The following NRXN3 variants were observed in gnomAD, a reference collection of about 807,000 sequenced individuals.
NRXN3 encodes neurexin III.
A neutral mutation model predicts 137.6 loss-of-function variants in NRXN3; 32 were observed. The ratio of observed to expected loss-of-function variants is 0.23; its 90% CI spans 0.18 to 0.31. The LOEUF (loss-of-function observed/expected upper bound fraction) is 0.31. Ranked by LOEUF, NRXN3 falls within the 10% of genes least tolerant of loss-of-function variation. NRXN3 has a pLI of 1.00. For synonymous variants in NRXN3, 798 were observed against 784.5 expected, an observed-to-expected ratio of 1.02 and a Z score of -0.29; for missense variants, 1,574 against 2,062.5, an observed-to-expected ratio of 0.76 and a Z score of 4.59.
intron 4 of NRXN3, among the ~76,000 whole-genome samples, chr14:78,633,270 A>G (rs2097539008): frequency 6.7e-6 from 1 of 149,702 alleles, no homozygotes; most frequent in South Asian, 2.1e-4. Flanking sequence ...AAAAAAAAAG[A>G]GACTGGTAAT....
chr14:79,149,539 A>T (rs908808904), intron 15 of NRXN3, among the ~76,000 whole-genome samples: 3 of 152,138 alleles, frequency 2.0e-5, no homozygotes, highest in African/African-American at 7.2e-5. Flanking sequence ...TCATTCTGTT[A>T]TAAAGAGACA....
At chr14:78,932,594 G>A (rs1250568105) in intron 10 of NRXN3, among the ~76,000 whole-genome samples, 3 of 152,184 alleles carry the variant, frequency 2.0e-5, no homozygotes, top group East Asian at 1.9e-4. Context: ...CCGCAGGGAA[G>A]TGGACAGAGG....
In NRXN3 at chr14:78,250,180, C is replaced by G. The variant is rs762545363; in HGVS notation, c.709+6378C>G. 1.7e-5 allele frequency: 8 copies of G among 473,976 alleles called. No homozygotes were observed. The East Asian group carries it at 4.7e-4, about 28-fold the overall frequency. The allele number at this position is 473,976 out of a possible 1,614,324, so 29.4% of individuals were successfully genotyped here. On this transcript the variant is annotated intron_variant, in intron 2 of 20. Coordinates refer to ENST00000335750, the MANE Select transcript of NRXN3 (RefSeq NM_001330195.2). Reference sequence around the variant, plus strand: ...GGCAGAGCTGCAATTTGTGTCTAGACAGTCTGGCTTCAGAGCCTACACTGT... The same window carrying G: ...GGCAGAGCTGCAATTTGTGTCTAGAGAGTCTGGCTTCAGAGCCTACACTGT...
At chr14:78,458,468 T>C (rs1449618781) in intron 4 of NRXN3, among the ~76,000 whole-genome samples, 1 of 152,238 alleles carries the variant, frequency 6.6e-6, no homozygotes, top group Admixed American at 6.5e-5. Flanking sequence ...CAGTCTGTAC[T>C]ATACTGATTA....
intron 15 of NRXN3, among the ~76,000 whole-genome samples, chr14:79,380,617 T>A (rs1027093628): frequency 6.6e-6 from 1 of 152,174 alleles, no homozygotes; most frequent in East Asian, 1.9e-4. Context: ...TTTGGGTTGG[T>A]TCCAAGTCTT....
chr14:79,789,586 T>A (rs1192699002), intron 19 of NRXN3, among the ~76,000 whole-genome samples: 1 of 152,122 alleles, frequency 6.6e-6, no homozygotes, highest in Non-Finnish European at 1.5e-5. Context: ...TACTCATGCC[T>A]CCCCTTTTTA....
intron 6 of NRXN3, among the ~76,000 whole-genome samples, chr14:78,682,836 C>A (rs2098089345): frequency 6.6e-6 from 1 of 152,146 alleles, no homozygotes; most frequent in Non-Finnish European, 1.5e-5. Flanking sequence ...GGGTTCCAAG[C>A]CCATGGTTAT....
chr14:79,137,669 C>A (rs1244123163), intron 15 of NRXN3, among the ~76,000 whole-genome samples: 2 of 152,132 alleles, frequency 1.3e-5, no homozygotes, highest in Non-Finnish European at 2.9e-5. Flanking sequence ...AATATTTATT[C>A]ATTACCCATT....
At chr14:78,390,715 A>G (rs1598141491) in intron 4 of NRXN3, among the ~76,000 whole-genome samples, 1 of 152,176 alleles carries the variant, frequency 6.6e-6, no homozygotes, top group Non-Finnish European at 1.5e-5. Flanking sequence ...TTCCATGTAC[A>G]TCTATTGCTT....
intron 15 of NRXN3, among the ~76,000 whole-genome samples, chr14:79,101,286 C>T (rs1379526088): frequency 6.6e-6 from 1 of 152,202 alleles, no homozygotes; most frequent in Non-Finnish European, 1.5e-5. Context: ...GAAATTGTCA[C>T]ACCATTTATG....
intron 4 of NRXN3, among the ~76,000 whole-genome samples, chr14:78,406,141 T>C (rs945773584): frequency 6.6e-6 from 1 of 152,158 alleles, no homozygotes; most frequent in Non-Finnish European, 1.5e-5. Flanking sequence ...ATGGCTCCCA[T>C]GGAGAAGTAG....
At chr14:79,328,549 T>C (rs759789972) in intron 15 of NRXN3, among the ~76,000 whole-genome samples, 2 of 152,204 alleles carry the variant, frequency 1.3e-5, no homozygotes, top group Admixed American at 6.5e-5. Flanking sequence ...AACATAAAGC[T>C]CTTTTTCCTT....
intron 4 of NRXN3, among the ~76,000 whole-genome samples, chr14:78,503,827 C>G (rs952346007): frequency 4.6e-5 from 7 of 152,236 alleles, no homozygotes; most frequent in African/African-American, 1.7e-4. Flanking sequence ...ATGTGTTGTT[C>G]CAGCATGATA....
At chr14:78,883,390 A>G (rs1236852671) in intron 10 of NRXN3, among the ~76,000 whole-genome samples, 1 of 152,220 alleles carries the variant, frequency 6.6e-6, no homozygotes, top group African/African-American at 2.4e-5. Context: ...AATGAATTAT[A>G]GAGGAGGAAC....
intron 15 of NRXN3, among the ~76,000 whole-genome samples, chr14:79,396,351 A>G (rs2095026435): frequency 1.3e-5 from 2 of 152,088 alleles, no homozygotes; most frequent in South Asian, 2.1e-4. Flanking sequence ...ATTCATATAT[A>G]TATATACAAA....
chr14:79,456,640 T>A (rs1289940177), intron 15 of NRXN3, among the ~76,000 whole-genome samples: 1 of 151,190 alleles, frequency 6.6e-6, no homozygotes, highest in Non-Finnish European at 1.5e-5. Context: ...GACAGGAGAA[T>A]CTCTTGAACC....
intron 8 of NRXN3, among the ~76,000 whole-genome samples, chr14:78,802,670 C>T (rs1265726585): frequency 1.3e-5 from 2 of 152,124 alleles, no homozygotes; most frequent in Non-Finnish European, 2.9e-5. Context: ...TTCAGCCAGG[C>T]GCAGTGGGCT....
chr14:78,190,873 C>T (rs980494286), intron 1 of NRXN3, among the ~76,000 whole-genome samples: 5 of 151,978 alleles, frequency 3.3e-5, no homozygotes, highest in African/African-American at 9.7e-5. Flanking sequence ...GGGGTTTCAC[C>T]ATGTTGGCCA....
At chr14:79,394,964 T>A (rs2153479177) in intron 15 of NRXN3, among the ~76,000 whole-genome samples, 1 of 152,320 alleles carries the variant, frequency 6.6e-6, no homozygotes, top group South Asian at 2.1e-4. Flanking sequence ...CCTCAGTGTC[T>A]AGCCATTTTA....
Sources: allele counts gnomAD v4.1 joint callset (sites outside exome capture counted in the v4.1 genomes callset), GRCh38; gene constraint gnomAD v4.1.1; transcripts MANE v1.5; gene names NCBI Gene and HGNC (gene_info 2026-07-23, HGNC 2026-07-21).